Variants in NUDT9 observed in about 807,000 individuals in gnomAD.
NUDT9 encodes ADP-ribose pyrophosphatase.
Under a neutral mutation model 41.0 loss-of-function variants are expected in NUDT9, and 31 were observed. That is an observed-to-expected ratio of 0.76 (90% confidence interval 0.57 to 1.02). The LOEUF is 1.02. NUDT9 is among the 50% of genes least tolerant of loss of function. NUDT9 has a pLI of 0.00. For missense variants in NUDT9, 380 were observed against 431.4 expected, an observed-to-expected ratio of 0.88 and a Z score of 1.06; for synonymous variants, 146 against 147.6, an observed-to-expected ratio of 0.99 and a Z score of 0.08.
chr4:87,438,696 A>G (rs1382995981), intron 3 of NUDT9, among the ~76,000 whole-genome samples: 1 of 152,264 alleles, frequency 6.6e-6, no homozygotes, highest in Non-Finnish European at 1.5e-5. Context: ...TATTTATTAA[A>G]TGGTATAGTA....
chr4:87,453,692 T>A lies in NUDT9; in HGVS notation c.790-679T>A, dbSNP rs140430691. On this transcript the variant is annotated intron_variant, in intron 6 of 7. Transcript: ENST00000302174. ...ATCCGCCCACCTCCGCCTCCCAAAG[T>A]GCTGGTATTACAGGCATGAGCCACC... Among the ~76,000 whole-genome samples, 319 of 152,196 alleles carry A rather than the reference T, an allele frequency of 2.1e-3. 1 individual carries two copies. Among genetic ancestry groups the A allele is most frequent in the African/African-American group, 7.2e-3 (301 of 41,536 alleles).
At chr4:87,453,000 C>T (rs1420053920) in intron 6 of NUDT9, among the ~76,000 whole-genome samples, 9 of 151,320 alleles carry the variant, frequency 5.9e-5, no homozygotes, top group South Asian at 4.2e-4. Flanking sequence ...TTAGTAGTGA[C>T]GGGGTTTCAC....
At chr4:87,439,960 A>G (rs1359876293) in intron 3 of NUDT9, among the ~76,000 whole-genome samples, 1 of 152,202 alleles carries the variant, frequency 6.6e-6, no homozygotes, top group Non-Finnish European at 1.5e-5. Flanking sequence ...CCTGTAAGAC[A>G]AGGAAATGGT....
chr4:87,450,595 T>G (rs913999332), intron 5 of NUDT9, among the ~76,000 whole-genome samples: 1 of 151,854 alleles, frequency 6.6e-6, no homozygotes, highest in Non-Finnish European at 1.5e-5. Context: ...GCCAGGCTGG[T>G]CTTGAACTCC....
rs942237512 is a variant in NUDT9, at chr4:87,429,820, A to G, written c.108-5161A>G. 6.2e-5 allele frequency among the ~76,000 whole-genome samples: 9 copies of G among 146,242 alleles called. No individual in the cohort carries two copies. In the East Asian group the frequency reaches 1.6e-3, roughly 26 times the overall value. On this transcript the variant is annotated intron_variant, in intron 1 of 7. Transcript: ENST00000302174. ...CTTTTCCCTCTTTCTGTTTGCCTCT[A>G]CTTCTCTTCACATCAGCACCTTATT...
At chr4:87,443,986 A>G (rs1490708405) in intron 4 of NUDT9, among the ~76,000 whole-genome samples, 1 of 152,206 alleles carries the variant, frequency 6.6e-6, no homozygotes, top group East Asian at 1.9e-4. Context: ...ATGAGCATGA[A>G]TCAGAATTAA....
chr4:87,435,322 A>G, intron 2 of NUDT9, 102 bp downstream of exon 2: 2 of 1,305,288 alleles, frequency 1.5e-6, no homozygotes, highest in Non-Finnish European at 2.1e-6. Flanking sequence ...ATTTCAATCT[A>G]TGCTTAGCTG....
chr4:87,457,230 AT>A (rs1723026948), intron 7 of NUDT9, among the ~76,000 whole-genome samples: 1 of 146,340 alleles, frequency 6.8e-6, no homozygotes, highest in Non-Finnish European at 1.5e-5. Flanking sequence ...TTTTTTGATA[AT>A]TTAAATTTTT....
intron 5 of NUDT9, 130 bp downstream of exon 5, chr4:87,449,383 T>G: frequency 1.7e-6 from 1 of 599,876 alleles, no homozygotes; most frequent in Non-Finnish European, 3.0e-6. Context: ...AATTCTTATG[T>G]TTTTCATCCC....
Position 87,441,923 on chromosome 4 carries a change from C to A in NUDT9, c.530+8C>A, listed in dbSNP as rs1182913043. On this transcript the variant is annotated splice_region_variant and intron_variant, in intron 4 of 7. Coordinates refer to ENST00000302174, the MANE Select transcript of NUDT9 (RefSeq NM_024047.5). The stretch of plus-strand genomic sequence containing the variant: ...AGATCCCATTATAACCAGGTAAGAA[C>A]CAATAAAAAGCATATCAGTAGCAAA... The A allele has an allele frequency of 6.3e-7, 1 of 1,584,356 alleles. No homozygotes were observed. Among genetic ancestry groups the A allele is most frequent in the Non-Finnish European group, 8.6e-7 (1 of 1,167,676 alleles).
At position 87,435,007 on chromosome 4, in the gene NUDT9, A is replaced by AT; in HGVS notation, c.135dup (p.Leu46SerfsTer2). 6.2e-7 allele frequency: 1 copy of AT among 1,612,582 alleles called. No homozygotes were observed. The highest frequency in any genetic ancestry group is 1.1e-5 in the South Asian group (1 of 90,704). Reference sequence around the variant, plus strand: ...AACTCGTTTTCATCTTCTTGGTTTCATCTTAATACCAACGTCATGTCTGGT... The same window carrying AT: ...AACTCGTTTTCATCTTCTTGGTTTCATTCTTAATACCAACGTCATGTCTGGT... On this transcript the variant is annotated frameshift_variant, in exon 2 of 8. Coordinates refer to ENST00000302174, the MANE Select transcript of NUDT9 (RefSeq NM_024047.5). LOFTEE classifies it high-confidence loss of function.
At chr4:87,428,155 T>C (rs1003679217) in intron 1 of NUDT9, among the ~76,000 whole-genome samples, 1 of 152,184 alleles carries the variant, frequency 6.6e-6, no homozygotes, top group Non-Finnish European at 1.5e-5. Context: ...TTTTCCCTCA[T>C]TTTTGGGTGT....
chr4:87,435,114 C>G lies in NUDT9; in HGVS notation c.241C>G (p.Pro81Ala). Residue 81 changes from proline to alanine, a missense_variant, in exon 2 of 8, where the codon CCT becomes GCT. Pro to Ala is a conservative substitution (Grantham distance 27). Coordinates refer to ENST00000302174, the MANE Select transcript of NUDT9 (RefSeq NM_024047.5). ...PGSKVERSQV[P>A]NEKVGWLVEW... ...TTCAAAAGTTGAACGAAGCCAGGTTCCTAATGAGAAAGTGGGCTGGCTTGT... is the reference window on the plus strand; with the variant it reads ...TTCAAAAGTTGAACGAAGCCAGGTTGCTAATGAGAAAGTGGGCTGGCTTGT... The G allele has an allele frequency of 6.2e-7, 1 of 1,614,146 alleles. No individual in the cohort carries two copies. Among genetic ancestry groups the G allele is most frequent in the Non-Finnish European group, 8.5e-7 (1 of 1,180,040 alleles).
At chr4:87,456,850 G>A (rs1297334100) in intron 7 of NUDT9, among the ~76,000 whole-genome samples, 1 of 152,122 alleles carries the variant, frequency 6.6e-6, no homozygotes. Flanking sequence ...AGAATCGCTT[G>A]TACTCAGGAC....
intron 7 of NUDT9, 135 bp from the exon 8 acceptor site, chr4:87,457,707 TG>T: frequency 1.4e-6 from 1 of 701,854 alleles, no homozygotes; most frequent in Non-Finnish European, 2.3e-6. Context: ...AGGGATGGAA[TG>T]GTCTAGTTTT....
chr4:87,455,088 T>C (rs1191732073), intron 7 of NUDT9, among the ~76,000 whole-genome samples: 1 of 152,258 alleles, frequency 6.6e-6, no homozygotes, highest in Non-Finnish European at 1.5e-5. Context: ...TTGATTTGTT[T>C]TTATTTGTAG....
chr4:87,425,268 A>G (rs1721357703), intron 1 of NUDT9, among the ~76,000 whole-genome samples: 1 of 151,858 alleles, frequency 6.6e-6, no homozygotes, highest in African/African-American at 2.4e-5. Context: ...CTCAGAGACT[A>G]CTAAGTGATC....
At chr4:87,435,969 C>T (rs772986325) in intron 2 of NUDT9, among the ~76,000 whole-genome samples, 40 of 152,062 alleles carry the variant, frequency 2.6e-4, no homozygotes, top group African/African-American at 6.8e-4. Flanking sequence ...CCACTCTCAG[C>T]GAGTTTCAAG....
At chr4:87,425,480 C>T (rs866593101) in intron 1 of NUDT9, among the ~76,000 whole-genome samples, 7 of 148,626 alleles carry the variant, frequency 4.7e-5, no homozygotes, top group Middle Eastern at 3.5e-3. Context: ...TTGCAACCTC[C>T]GCCTCCCAGG....
Sources: allele counts gnomAD v4.1 joint callset (sites outside exome capture counted in the v4.1 genomes callset), GRCh38; gene constraint gnomAD v4.1.1; transcripts MANE v1.5; gene names NCBI Gene and HGNC (gene_info 2026-07-23, HGNC 2026-07-21).